ALKBH1: variants seen among roughly 807,000 people sequenced by gnomAD.
ALKBH1 encodes nucleic acid dioxygenase ALKBH1.
In ALKBH1, 31 loss-of-function variants were observed where a neutral mutation model predicts 36.6. The observed-to-expected ratio is 0.85, with a 90% CI of 0.64 to 1.14. The LOEUF (loss-of-function observed/expected upper bound fraction) is 1.14. Ranked by LOEUF, ALKBH1 falls within the 50% of genes most tolerant of loss-of-function variation. ALKBH1 has a pLI of 0.00. For missense variants in ALKBH1, 490 were observed against 497.3 expected, an observed-to-expected ratio of 0.99 and a Z score of 0.14; for synonymous variants, 183 against 186.6, an observed-to-expected ratio of 0.98 and a Z score of 0.16.
In ALKBH1 at chr14:77,704,746, G is replaced by T. The variant is rs1290003915; in HGVS notation, c.184-269C>A. On this transcript the variant is annotated intron_variant, in intron 1 of 5. Coordinates refer to ENST00000216489, the MANE Select transcript of ALKBH1 (RefSeq NM_006020.3). ...TGCCACTGTGCCTGGCCAAAGCAAG[G>T]AGTATTAACTCTGGGGTTAATCTTA... is the stretch of plus-strand genomic sequence containing the variant. 3.3e-5 allele frequency among the ~76,000 whole-genome samples: 5 copies of T among 152,170 alleles called. No individual in the cohort carries two copies. In the East Asian group the frequency reaches 9.6e-4, roughly 29 times the overall value.
chr14:77,700,485 A>AT (rs1433104988), intron 2 of ALKBH1, among the ~76,000 whole-genome samples: 1 of 152,204 alleles, frequency 6.6e-6, no homozygotes, highest in African/African-American at 2.4e-5. Flanking sequence ...CTGATTTTTC[A>AT]TATGTCTTCT....
chr14:77,699,834 C>T (rs2080349089), intron 2 of ALKBH1, among the ~76,000 whole-genome samples: 1 of 152,114 alleles, frequency 6.6e-6, no homozygotes. Flanking sequence ...GAGGGCGGAT[C>T]ACGAGGTCAG....
At chr14:77,677,421 T>C (rs2080212092) in intron 4 of ALKBH1, among the ~76,000 whole-genome samples, 1 of 152,214 alleles carries the variant, frequency 6.6e-6, no homozygotes, top group Non-Finnish European at 1.5e-5. Flanking sequence ...TACAGGTTCC[T>C]ATATGGATGA....
At chr14:77,680,132 T>C (rs1341631518) in intron 3 of ALKBH1, among the ~76,000 whole-genome samples, 162 bp from the exon 4 acceptor site, 1 of 152,226 alleles carries the variant, frequency 6.6e-6, no homozygotes, top group Non-Finnish European at 1.5e-5. Flanking sequence ...CACAGATACA[T>C]TAACAGAGAA....
intron 5 of ALKBH1, 67 bp from the exon 6 acceptor site, chr14:77,674,308 G>T (rs773299563): frequency 4.9e-6 from 7 of 1,416,208 alleles, no homozygotes; most frequent in Non-Finnish European, 5.6e-6. Context: ...ACTATGACTG[G>T]GAAAGTTACT....
At chr14:77,681,885 T>C (rs2080240027) in intron 3 of ALKBH1, among the ~76,000 whole-genome samples, 1 of 152,230 alleles carries the variant, frequency 6.6e-6, no homozygotes, top group African/African-American at 2.4e-5. Context: ...CCCATTGCCA[T>C]ATCCGGTGTG....
At chr14:77,697,720 A>C (rs1033720580) in intron 2 of ALKBH1, among the ~76,000 whole-genome samples, 1 of 147,750 alleles carries the variant, frequency 6.8e-6, no homozygotes, top group Non-Finnish European at 1.5e-5. Flanking sequence ...AAAAAAAAAG[A>C]ATTAGAAGCC....
Position 77,707,822 on chromosome 14 carries a change from C to T in ALKBH1, c.183G>A (p.Lys61=). The T allele has an allele frequency of 6.2e-7, 1 of 1,603,816 alleles. No homozygotes were observed. The highest frequency in any genetic ancestry group is 8.5e-7 in the Non-Finnish European group (1 of 1,174,746). The change falls in exon 1 of 6, where the codon AAG becomes AAA. Residue 61 remains lysine, a splice_region_variant and synonymous_variant. Transcript: ENST00000216489. ...ACGCGCGCCACTCCTCTCTCTGTAC[C>T]TTTTGGGCACCAGGACCCTTGCCAC... ...AARGKGPGAQ[K]VIKSQLNVSS... is the part of the protein sequence containing the mutation.
chr14:77,696,828 T>C (rs2080329986), intron 2 of ALKBH1: 1 of 152,756 alleles, frequency 6.5e-6, no homozygotes, highest in East Asian at 1.9e-4. Flanking sequence ...GAGGTCCAAA[T>C]GGAAGTAGAT....
chr14:77,707,395 G>A (rs376090503), intron 1 of ALKBH1, among the ~76,000 whole-genome samples: 2 of 152,200 alleles, frequency 1.3e-5, no homozygotes, highest in African/African-American at 2.4e-5. Flanking sequence ...GGAGAAGACA[G>A]GGACTAGTTT....
chr14:77,687,821 T>C (rs901581935), intron 3 of ALKBH1, among the ~76,000 whole-genome samples: 7 of 146,680 alleles, frequency 4.8e-5, no homozygotes, highest in African/African-American at 1.7e-4. Context: ...TTCTTTTCTA[T>C]AGATGAGAAA....
chr14:77,673,000 A>C lies in ALKBH1; in HGVS notation c.*812T>G, dbSNP rs959723296. ...ACAGCAAAGAAAAACAGAAAAAAAA[A>C]CCTTAATCCCAGATAGACTAAACCC... is the stretch of plus-strand genomic sequence containing the variant. On this transcript the variant is annotated 3_prime_UTR_variant, in exon 6 of 6. Transcript: ENST00000216489. 1 of 152,226 alleles carries C rather than the reference A, an allele frequency of 6.6e-6. No individual in the cohort carries two copies. Among genetic ancestry groups the C allele is most frequent in the Admixed American group, 6.5e-5 (1 of 15,276 alleles). 9.4% of individuals were successfully genotyped at this position (152,226 alleles called of 1,614,324 possible).
At chr14:77,698,596 G>C (rs1302201812) in intron 2 of ALKBH1, among the ~76,000 whole-genome samples, 1 of 152,234 alleles carries the variant, frequency 6.6e-6, no homozygotes, top group Admixed American at 6.5e-5. Flanking sequence ...TTTAAAAACA[G>C]ATGAACAGAC....
intron 1 of ALKBH1, among the ~76,000 whole-genome samples, chr14:77,706,699 A>G (rs1249399329): frequency 1.3e-5 from 2 of 152,226 alleles, no homozygotes; most frequent in Non-Finnish European, 1.5e-5. Context: ...AAATGTAGGT[A>G]AAAGGAGCTG....
chr14:77,688,433 T>C (rs537267997), intron 3 of ALKBH1, among the ~76,000 whole-genome samples: 1 of 152,110 alleles, frequency 6.6e-6, no homozygotes, highest in East Asian at 1.9e-4. Flanking sequence ...TTTTTGTAGA[T>C]TTAGTAGAGA....
At chr14:77,681,474 T>A (rs909074134) in intron 3 of ALKBH1, among the ~76,000 whole-genome samples, 1 of 152,212 alleles carries the variant, frequency 6.6e-6, no homozygotes, top group Admixed American at 6.5e-5. Flanking sequence ...ATCTTGATGT[T>A]TGACGAAGAG....
At chr14:77,678,083 T>C (rs1414790100) in intron 4 of ALKBH1, among the ~76,000 whole-genome samples, 5 of 24,138 alleles carry the variant, frequency 2.1e-4, no homozygotes, top group African/African-American at 6.3e-4. Context: ...AAAAATATTA[T>C]CACCAAAAAA....
intron 2 of ALKBH1, among the ~76,000 whole-genome samples, chr14:77,698,034 A>T (rs181705934): frequency 6.6e-6 from 1 of 152,282 alleles, no homozygotes; most frequent in East Asian, 1.9e-4. Flanking sequence ...AGAATTAGAG[A>T]TAAAGTGATA....
At chr14:77,674,804 G>A (rs1197199519) in intron 5 of ALKBH1, among the ~76,000 whole-genome samples, 2 of 152,212 alleles carry the variant, frequency 1.3e-5, no homozygotes, top group East Asian at 1.9e-4. Flanking sequence ...CACTGGCCTC[G>A]GCCTCCCAAA....
Sources: gnomAD v4.1 joint callset for allele counts (sites outside exome capture counted in the v4.1 genomes callset) on GRCh38, gnomAD v4.1.1 for gene constraint, MANE v1.5 for transcripts, NCBI Gene and HGNC (gene_info 2026-07-23, HGNC 2026-07-21) for gene names.